The following MAGI2 variants were observed in gnomAD, a reference collection of about 807,000 sequenced individuals.
MAGI2 encodes the protein membrane associated guanylate kinase, WW and PDZ domain containing 2, also known as membrane-associated guanylate kinase, WW and PDZ domain-containing protein 2.
In MAGI2, 35 loss-of-function variants were observed where a neutral mutation model predicts 133.3. That is an observed-to-expected ratio of 0.26 (90% CI 0.20 to 0.35). The LOEUF is 0.35. MAGI2 is among the 10% of genes least tolerant of loss of function. MAGI2 has a pLI of 1.00. For missense variants in MAGI2, 1,636 were observed against 1,863.4 expected (o/e 0.88, Z 2.25); for synonymous variants, 729 against 710.6 (o/e 1.03, Z -0.41).
chr7:78,505,110 G>A (rs1794968371), intron 4 of MAGI2, among the ~76,000 whole-genome samples: 1 of 151,694 alleles, frequency 6.6e-6, no homozygotes. Flanking sequence ...GCTTTCATTG[G>A]GTATCTATTA....
intron 6 of MAGI2, among the ~76,000 whole-genome samples, chr7:78,399,804 C>CAAAAAA (rs3061269): frequency 1.1e-4 from 8 of 69,706 alleles, no homozygotes; most frequent in African/African-American, 3.4e-4. Context: ...GACTTTGTAT[C>CAAAAAA]AAAAAAAAAA....
At chr7:78,532,259 G>T (rs759368502) in intron 3 of MAGI2, among the ~76,000 whole-genome samples, 1 of 152,190 alleles carries the variant, frequency 6.6e-6, no homozygotes, top group African/African-American at 2.4e-5. Flanking sequence ...ATATTAGAAA[G>T]CCCTGAATTG....
intron 2 of MAGI2, among the ~76,000 whole-genome samples, chr7:78,682,037 G>A (rs1815727176): frequency 6.6e-6 from 1 of 151,710 alleles, no homozygotes; most frequent in Non-Finnish European, 1.5e-5. Context: ...TATAATTTAA[G>A]AAATAGCAAT....
chr7:78,663,801 T>C (rs557347862), intron 2 of MAGI2, among the ~76,000 whole-genome samples: 1 of 152,340 alleles, frequency 6.6e-6, no homozygotes, highest in Middle Eastern at 3.4e-3. Context: ...GTTATATAAA[T>C]GTGGATTAAC....
intron 20 of MAGI2, among the ~76,000 whole-genome samples, chr7:78,118,740 A>G (rs987456452): frequency 1.1e-4 from 16 of 152,350 alleles, no homozygotes; most frequent in African/African-American, 3.4e-4. Context: ...GAAACTCTCA[A>G]TCGTCACTGG....
At chr7:78,894,031 G>T (rs186097027) in intron 2 of MAGI2, among the ~76,000 whole-genome samples, 1 of 152,136 alleles carries the variant, frequency 6.6e-6, no homozygotes, top group African/African-American at 2.4e-5. Flanking sequence ...AATTATCACC[G>T]AAATGCACTA....
intron 2 of MAGI2, among the ~76,000 whole-genome samples, chr7:78,892,331 T>G (rs2151572519): frequency 6.6e-6 from 1 of 152,190 alleles, no homozygotes; most frequent in African/African-American, 2.4e-5. Context: ...TTCAATGCCA[T>G]CCCCATCAAG....
At chr7:79,135,991 GAAA>G (rs1821393108) in intron 1 of MAGI2, among the ~76,000 whole-genome samples, 1 of 36,070 alleles carries the variant, frequency 2.8e-5, no homozygotes, top group Non-Finnish European at 1.0e-4. Flanking sequence ...AAGAAAGAAA[GAAA>G]GAAAGAAAGA....
At chr7:78,169,970 G>T (rs1280289781) in intron 14 of MAGI2, among the ~76,000 whole-genome samples, 1 of 152,180 alleles carries the variant, frequency 6.6e-6, no homozygotes, top group Admixed American at 6.5e-5. Context: ...CAAAGATTTG[G>T]TAAGTGCTTT....
chr7:78,078,879 A>G (rs1252882486), intron 21 of MAGI2, 68 bp downstream of exon 21: 5 of 1,588,658 alleles, frequency 3.1e-6, no homozygotes, highest in Non-Finnish European at 4.3e-6. Context: ...GTAGTTTTAT[A>G]AATAACCATA....
At chr7:78,725,937 C>G (rs912923931) in intron 2 of MAGI2, among the ~76,000 whole-genome samples, 1 of 152,210 alleles carries the variant, frequency 6.6e-6, no homozygotes, top group Admixed American at 6.5e-5. Flanking sequence ...CCCCCTTTAC[C>G]TAGTATTTTG....
intron 2 of MAGI2, among the ~76,000 whole-genome samples, chr7:78,792,249 G>A (rs1219623592): frequency 3.9e-5 from 6 of 152,250 alleles, no homozygotes; most frequent in South Asian, 2.1e-4. Flanking sequence ...AGGAAGACAC[G>A]TAAAGCCTTT....
At chr7:79,343,139 T>G (rs540440148) in intron 1 of MAGI2, 12 of 152,124 alleles carry the variant, frequency 7.9e-5, no homozygotes, top group Middle Eastern at 3.2e-3. Context: ...TACTTATTTT[T>G]CACAATTTTA....
At chr7:78,734,067 C>T (rs139804890) in intron 2 of MAGI2, among the ~76,000 whole-genome samples, 313 of 152,104 alleles carry the variant, frequency 2.1e-3, no homozygotes, top group African/African-American at 7.2e-3. Context: ...CATCTAAGAA[C>T]GACAATAGAT....
intron 4 of MAGI2, among the ~76,000 whole-genome samples, chr7:78,508,903 T>TTTTTA (rs1795332060): frequency 7.1e-6 from 1 of 140,744 alleles, no homozygotes; most frequent in African/African-American, 2.6e-5. Context: ...TTTTTTTTTT[T>TTTTTA]GAGACGGGGT....
At chr7:78,922,947 T>A (rs75602414) in intron 2 of MAGI2, among the ~76,000 whole-genome samples, 40,190 of 151,800 alleles carry the variant, frequency 0.26, 5,733 homozygotes, top group South Asian at 0.37. Flanking sequence ...TGGCCAGTGA[T>A]GATGAGCATT....
chr7:78,658,153 C>T (rs574164808), intron 2 of MAGI2, among the ~76,000 whole-genome samples: 3 of 152,188 alleles, frequency 2.0e-5, no homozygotes, highest in African/African-American at 7.2e-5. Flanking sequence ...ACTACAAGTT[C>T]AATTACACAG....
chr7:78,235,360 C>T (rs992356486), intron 10 of MAGI2, among the ~76,000 whole-genome samples: 3 of 152,090 alleles, frequency 2.0e-5, no homozygotes, highest in Admixed American at 2.0e-4. Context: ...TAGAAAAATA[C>T]ATAGTAAACA....
intron 2 of MAGI2, among the ~76,000 whole-genome samples, chr7:78,797,386 T>C (rs1194073760): frequency 1.3e-5 from 2 of 152,146 alleles, no homozygotes; most frequent in African/African-American, 2.4e-5. Flanking sequence ...GTGTGAGCTC[T>C]AGAAACCCTA....
Sources: gnomAD v4.1 joint callset for allele counts (sites outside exome capture counted in the v4.1 genomes callset) on GRCh38, gnomAD v4.1.1 for gene constraint, MANE v1.5 for transcripts, NCBI Gene and HGNC (gene_info 2026-07-23, HGNC 2026-07-21) for gene names.